SCRIB: variants seen among roughly 807,000 people sequenced by gnomAD.
SCRIB encodes the protein protein scribble homolog.
SCRIB carries 72 observed loss-of-function variants against 170.0 expected under a neutral mutation model. The ratio of observed to expected loss-of-function variants is 0.42; its 90% CI spans 0.35 to 0.52. SCRIB has a LOEUF of 0.52. SCRIB is among the 20% of genes least tolerant of loss of function. SCRIB has a pLI of 0.02. For synonymous variants in SCRIB, 1,298 were observed against 1,044.3 expected, an observed-to-expected ratio of 1.24 and a Z score of -4.68; for missense variants, 2,475 against 2,338.5, an observed-to-expected ratio of 1.06 and a Z score of -1.20.
intron 13 of SCRIB, 50 bp from the exon 14 acceptor site, chr8:143,809,768 C>T: frequency 1.3e-6 from 2 of 1,580,924 alleles, no homozygotes; most frequent in South Asian, 2.2e-5. Context: ...GACTCACAGG[C>T]TGGCCACCTG....
At chr8:143,812,538 A>G (rs1815789339) in intron 8 of SCRIB, among the ~76,000 whole-genome samples, 154 bp from the exon 9 acceptor site, 1 of 152,122 alleles carries the variant, frequency 6.6e-6, no homozygotes, top group South Asian at 2.1e-4. Flanking sequence ...TTGCCCCACA[A>G]GCCTGACCCA....
rs1816013850 is a variant in SCRIB at position 143,815,156 on chromosome 8, C to T, written c.159+58G>A. The T allele has an allele frequency of 2.7e-6, 4 of 1,456,462 alleles. No individual in the cohort carries two copies. In the Admixed American group the frequency reaches 6.8e-5, roughly 25 times the overall value. 90.2% of individuals were successfully genotyped at this position (1,456,462 alleles called of 1,614,324 possible). ...GACTCGCCCGGGCAGATTCTGCCGCCGGAGGAATCACGGGCTGGGGGCGCG... is the reference window on the plus strand; with the variant it reads ...GACTCGCCCGGGCAGATTCTGCCGCTGGAGGAATCACGGGCTGGGGGCGCG... On this transcript the variant is annotated intron_variant, in intron 1 of 36. Transcript: ENST00000356994.
At position 143,795,008 on chromosome 8, in the gene SCRIB, G is replaced by A. The variant is rs139578287; in HGVS notation, c.3846+30C>T. 176 of 1,598,594 alleles carry A rather than the reference G, an allele frequency of 1.1e-4. 1 individual carries two copies. The Middle Eastern group carries it at 3.8e-3, about 35-fold the overall frequency. ...CCGATGAACAGGACAACAGGACGGA[G>A]GTGGGGGGCACTGCACACTGGGCAC... is the stretch of plus-strand genomic sequence containing the variant. On this transcript the variant is annotated intron_variant, in intron 27 of 36. Coordinates refer to ENST00000356994, the MANE Select transcript of SCRIB (RefSeq NM_182706.5).
intron 1 of SCRIB, chr8:143,814,978 G>A (rs75179464): frequency 3.9e-4 from 199 of 504,154 alleles, no homozygotes; most frequent in African/African-American, 2.9e-3. Flanking sequence ...CTGAGGCTCC[G>A]CCTCCAGGCT....
intron 23 of SCRIB, 36 bp from the exon 24 acceptor site, chr8:143,803,607 G>T (rs543640960): frequency 1.9e-6 from 3 of 1,570,454 alleles, no homozygotes; most frequent in South Asian, 2.3e-5. Flanking sequence ...GACCTGTTGG[G>T]GGGTGGGGCC....
Position 143,814,196 on chromosome 8 carries a change from A to C in SCRIB, c.160-78T>G. On this transcript the variant is annotated intron_variant, in intron 1 of 36. Transcript: ENST00000356994. The stretch of plus-strand genomic sequence containing the variant: ...AAGAGCTCCTGGACACGTGAGTGTC[A>C]CAAGTCAAGAGTCCCTAGGCCTCTG... 2.9e-5 allele frequency: 36 copies of C among 1,228,090 alleles called. No individual in the cohort carries two copies. The South Asian group carries it at 4.5e-4, about 15-fold the overall frequency. The allele number at this position is 1,228,090 out of a possible 1,614,324, so 76.1% of individuals were successfully genotyped here.
chr8:143,806,120 G>A (rs1815413646), intron 18 of SCRIB, among the ~76,000 whole-genome samples: 1 of 152,172 alleles, frequency 6.6e-6, no homozygotes, highest in African/African-American at 2.4e-5. Flanking sequence ...AGGTGCAGCT[G>A]CTGCCCTACC....
intron 24 of SCRIB, among the ~76,000 whole-genome samples, chr8:143,798,432 TC>T (rs2130029891): frequency 6.8e-6 from 1 of 146,400 alleles, no homozygotes; most frequent in South Asian, 2.2e-4. Context: ...CCGCCAGAAC[TC>T]GGCCCCTCTC....
Position 143,810,918 on chromosome 8 carries a change from G to T in SCRIB, c.1261C>A (p.Pro421Thr). The T allele has an allele frequency of 6.2e-7, 1 of 1,611,458 alleles. No homozygotes were observed. Reference protein sequence around the residue: ...LTCYLLPQQPPPSLEDAGQQG... With the variant: ...LTCYLLPQQPTPSLEDAGQQG... ...GCCAACAACCTACCGAGGCTGGGTG[G>T]GGGCTGCTGGGGCAGCAAGTAGCAG... Residue 421 changes from proline to threonine, a missense_variant, in exon 11 of 37, where the codon CCA becomes ACA. By Grantham distance (38) the Pro-to-Thr change is conservative. This residue lies in a region of SCRIB where 1,966 missense variants were observed against 1,742.9 expected (regional missense o/e 1.13). Coordinates refer to ENST00000356994, the MANE Select transcript of SCRIB (RefSeq NM_182706.5).
In SCRIB at chr8:143,804,129, G is replaced by A. The variant is rs1407216771; in HGVS notation, c.3037C>T (p.Pro1013Ser). The change falls in exon 22 of 37, where the codon CCT (proline) becomes TCT (serine). Residue 1013 changes from proline (P) to serine (S), a missense_variant. This residue lies in a region of SCRIB where 1,966 missense variants were observed against 1,742.9 expected (regional missense o/e 1.13). Transcript: ENST00000356994. Reference sequence around the variant, plus strand: ...CCTCCGACAATACTAAGCCCCAGAGGGCCCCCAGCTCTTGGCAGACGGATC... The same window carrying A: ...CCTCCGACAATACTAAGCCCCAGAGAGCCCCCAGCTCTTGGCAGACGGATC... ...EEIRLPRAGG[P>S]LGLSIVGGSD... is the part of the protein sequence containing the mutation. The A allele has an allele frequency of 6.2e-7, 1 of 1,612,212 alleles. No individual in the cohort carries two copies. The highest frequency in any genetic ancestry group is 1.1e-5 in the South Asian group (1 of 90,884).
intron 14 of SCRIB, 60 bp downstream of exon 14, chr8:143,809,491 A>G: frequency 6.5e-7 from 1 of 1,546,850 alleles, no homozygotes; most frequent in Non-Finnish European, 8.8e-7. Context: ...GAGGCCCCGC[A>G]GGGGAGGCAG....
chr8:143,813,228 G>A (rs1443919785), intron 6 of SCRIB, 83 bp downstream of exon 6: 2 of 1,595,678 alleles, frequency 1.3e-6, no homozygotes, highest in African/African-American at 1.3e-5. Flanking sequence ...GCCCCTTGCT[G>A]TCGGATCTGC....
rs782153147 is a variant in SCRIB at position 143,805,373 on chromosome 8, G to A, written c.2409C>T (p.Ala803=). ...HHEAVEALRG[A]GTAVQMRVWR... ...ACACTCGCATCTGCACGGCAGTGCCGGCCCCCCGGAGCGCCTCCACGGCCT... is the reference window on the plus strand; with the variant it reads ...ACACTCGCATCTGCACGGCAGTGCCAGCCCCCCGGAGCGCCTCCACGGCCT... Residue 803 remains alanine (A), a synonymous_variant, in exon 19 of 37, where the codon GCC becomes GCT. Transcript: ENST00000356994. The A allele has an allele frequency of 2.9e-5, 45 of 1,549,040 alleles. No individual in the cohort carries two copies. Among genetic ancestry groups the A allele is most frequent in the East Asian group, 2.6e-4 (11 of 41,540 alleles).
rs1414433810 is a variant in SCRIB at position 143,808,905 on chromosome 8, T to C, written c.1819A>G (p.Thr607Ala). The C allele has an allele frequency of 6.2e-7, 1 of 1,610,652 alleles. No homozygotes were observed. Among genetic ancestry groups the C allele is most frequent in the Non-Finnish European group, 8.5e-7 (1 of 1,179,962 alleles). Reference protein sequence around the residue: ...GGRQRLIRKDTPHYKKHFKIS... With the variant: ...GGRQRLIRKDAPHYKKHFKIS... ...TTGAAGTGCTTTTTGTAGTGAGGTG[T>C]GTCCTTGCGGATGAGCCGCTGCCTC... Residue 607 changes from threonine to alanine, a missense_variant, in exon 15 of 37, where the codon ACA becomes GCA. Transcript: ENST00000356994.
At chr8:143,815,050 G>A (rs1259767029) in intron 1 of SCRIB, 164 bp downstream of exon 1, 1 of 775,078 alleles carries the variant, frequency 1.3e-6, no homozygotes, top group Non-Finnish European at 1.9e-6. Flanking sequence ...GCCAGCCAGG[G>A]CGGCTGGAAG....
At chr8:143,800,699 A>T (rs1815136801) in intron 24 of SCRIB, among the ~76,000 whole-genome samples, 1 of 151,926 alleles carries the variant, frequency 6.6e-6, no homozygotes, top group South Asian at 2.1e-4. Flanking sequence ...ACATGACAAA[A>T]CCCCGTTTCT....
In SCRIB at chr8:143,813,741, G is replaced by T; in HGVS notation, c.357-15C>A. ...CATCAGGGAGCCTGGATGGGAGGAA[G>T]CAGAGGCCCTCGGATGACCAGTCCA... On this transcript the variant is annotated splice_polypyrimidine_tract_variant and intron_variant, in intron 3 of 36. Transcript: ENST00000356994. The T allele has an allele frequency of 6.2e-7, 1 of 1,613,146 alleles. No homozygotes were observed. Among genetic ancestry groups the T allele is most frequent in the Non-Finnish European group, 8.5e-7 (1 of 1,179,802 alleles).
chr8:143,812,428 A>G (rs2130140130), intron 8 of SCRIB, 44 bp from the exon 9 acceptor site: 1 of 1,442,180 alleles, frequency 6.9e-7, no homozygotes, highest in African/African-American at 1.4e-5. Flanking sequence ...CATGGTCCCC[A>G]GACGTGCCTT....
intron 1 of SCRIB, chr8:143,814,700 TCTG>T (rs1304053221): frequency 6.2e-6 from 1 of 161,552 alleles, no homozygotes; most frequent in East Asian, 1.8e-4. Context: ...TACTTTTTAA[TCTG>T]CTTTCTCCAG....
Sources: gnomAD v4.1 joint callset for allele counts (sites outside exome capture counted in the v4.1 genomes callset) on GRCh38, gnomAD v4.1.1 for gene constraint, gnomAD v4.1.1 regional missense constraint, MANE v1.5 for transcripts, NCBI Gene and HGNC (gene_info 2026-07-23, HGNC 2026-07-21) for gene names.